The following KCNIP4 variants were observed in gnomAD, a reference collection of about 807,000 sequenced individuals.
KCNIP4 encodes Kv channel-interacting protein 4.
Under a neutral mutation model 34.0 loss-of-function variants are expected in KCNIP4, and 12 were observed. The ratio of observed to expected loss-of-function variants is 0.35; its 90% CI spans 0.23 to 0.57. The LOEUF (loss-of-function observed/expected upper bound fraction) is 0.57, where lower values mean the gene tolerates loss of function less well. Among genes scored for constraint, KCNIP4 ranks in the 20% least tolerant of loss-of-function variants. The probability of loss-of-function intolerance (pLI) is 0.83; values close to 1 mark genes in which losing one functional copy is unlikely to be tolerated. For synonymous variants in KCNIP4, 124 were observed against 102.2 expected (o/e 1.21, Z -1.29); for missense variants, 238 against 311.7 (o/e 0.76, Z 1.78).
At position 21,520,014 on chromosome 4, in the gene KCNIP4, C is replaced by T. The variant is rs186476210; in HGVS notation, c.61+428557G>A. On this transcript the variant is annotated intron_variant, in intron 1 of 8. Transcript: ENST00000382152. The stretch of plus-strand genomic sequence containing the variant: ...TCCCAAAACTGAAGAACTTGGAGTG[C>T]GATGTTTGAGGGAAGGAAGCATCCA... 9.2e-5 allele frequency among the ~76,000 whole-genome samples: 14 copies of T among 151,770 alleles called. No homozygotes were observed. The East Asian group carries it at 2.1e-3, about 23-fold the overall frequency.
At chr4:21,863,461 G>A (rs1725224036) in intron 1 of KCNIP4, among the ~76,000 whole-genome samples, 1 of 151,902 alleles carries the variant, frequency 6.6e-6, no homozygotes, top group Non-Finnish European at 1.5e-5. Flanking sequence ...TAAGGGGATG[G>A]CTTCATTAAC....
chr4:21,936,942 A>G (rs1729893002), intron 1 of KCNIP4, among the ~76,000 whole-genome samples: 1 of 151,768 alleles, frequency 6.6e-6, no homozygotes, highest in African/African-American at 2.4e-5. Flanking sequence ...TCCCACCCTT[A>G]TTCTTTACAG....
intron 1 of KCNIP4, among the ~76,000 whole-genome samples, chr4:20,972,384 A>T (rs1386081114): frequency 6.6e-6 from 1 of 150,440 alleles, no homozygotes; most frequent in Admixed American, 6.6e-5. Flanking sequence ...AGTCAAAATT[A>T]CTGCTTGATG....
At chr4:21,234,177 T>TATATAACGTATATTATATATAAG (rs1560198402) in intron 1 of KCNIP4, among the ~76,000 whole-genome samples, 2 of 102,134 alleles carry the variant, frequency 2.0e-5, no homozygotes, top group African/African-American at 1.0e-4. Flanking sequence ...ATATATAACA[T>TATATAACGTATATTATATATAAG]ATATAACGTA....
rs138226822 is a variant in KCNIP4 at position 20,855,878 on chromosome 4, T to G, written c.164-5211A>C. 2.0e-5 allele frequency among the ~76,000 whole-genome samples: 3 copies of G among 152,202 alleles called. No individual in the cohort carries two copies. In the East Asian group the frequency reaches 5.8e-4, roughly 29 times the overall value. ...ATGAGAAGGCTGACAAGGATAAAAT[T>G]GATGGGATAAAATTGAGCTGACAAG... On this transcript the variant is annotated intron_variant, in intron 2 of 8. Coordinates refer to ENST00000382152, the MANE Select transcript of KCNIP4 (RefSeq NM_025221.6).
At chr4:21,853,945 G>A (rs1256251187) in intron 1 of KCNIP4, among the ~76,000 whole-genome samples, 3 of 152,138 alleles carry the variant, frequency 2.0e-5, no homozygotes, top group African/African-American at 7.2e-5. Context: ...GCTGCTCTGT[G>A]CAAGGCCTTG....
chr4:21,554,026 A>T (rs1180184921), intron 1 of KCNIP4, among the ~76,000 whole-genome samples: 2 of 152,140 alleles, frequency 1.3e-5, no homozygotes, highest in Non-Finnish European at 2.9e-5. Flanking sequence ...GTAAATGGAC[A>T]TACATTATTA....
chr4:20,897,683 C>T (rs1726706475), intron 1 of KCNIP4, among the ~76,000 whole-genome samples: 1 of 152,064 alleles, frequency 6.6e-6, no homozygotes, highest in African/African-American at 2.4e-5. Context: ...GATGTCTAAG[C>T]CCAGAGGAAA....
chr4:21,657,046 G>A (rs1349196031), intron 1 of KCNIP4, among the ~76,000 whole-genome samples: 1 of 152,038 alleles, frequency 6.6e-6, no homozygotes, highest in Non-Finnish European at 1.5e-5. Context: ...CTTCATTCAG[G>A]AAGCCTTCCC....
chr4:21,929,078 T>C (rs1366484987), intron 1 of KCNIP4, among the ~76,000 whole-genome samples: 1 of 152,022 alleles, frequency 6.6e-6, no homozygotes, highest in African/African-American at 2.4e-5. Flanking sequence ...AAAAACATAA[T>C]GACAAGTGAA....
At chr4:21,221,187 C>T in intron 1 of KCNIP4, among the ~76,000 whole-genome samples, 1 of 152,234 alleles carries the variant, frequency 6.6e-6, no homozygotes, top group South Asian at 2.1e-4. Context: ...TGAATGAAAA[C>T]TCCTCCAGTT....
intron 1 of KCNIP4, chr4:21,697,759 C>A: frequency 1.1e-6 from 1 of 880,048 alleles, no homozygotes; most frequent in Non-Finnish European, 1.4e-6. Context: ...TCGGCATCCC[C>A]TCTCCAGAAG....
At chr4:21,409,565 A>C (rs1249167296) in intron 1 of KCNIP4, among the ~76,000 whole-genome samples, 1 of 152,254 alleles carries the variant, frequency 6.6e-6, no homozygotes, top group Non-Finnish European at 1.5e-5. Flanking sequence ...AAAAAATAAT[A>C]TGTTATTAGA....
At chr4:20,901,806 A>T (rs1577339334) in intron 1 of KCNIP4, among the ~76,000 whole-genome samples, 1 of 152,076 alleles carries the variant, frequency 6.6e-6, no homozygotes, top group Non-Finnish European at 1.5e-5. Context: ...GAGTACCCAG[A>T]GTGGTCACAC....
In KCNIP4 at chr4:21,942,971, C is replaced by A. The variant is rs181199957; in HGVS notation, c.61+5600G>T. ...AACGGGTTTCATCATGTTGGCCAGG[C>A]TGGTCTCAAACTCCTGACCTCAGGC... is the stretch of plus-strand genomic sequence containing the variant. On this transcript the variant is annotated intron_variant, in intron 1 of 8. Transcript: ENST00000382152. 4.6e-5 allele frequency among the ~76,000 whole-genome samples: 7 copies of A among 152,240 alleles called. No individual in the cohort carries two copies. In the East Asian group the frequency reaches 1.4e-3, roughly 30 times the overall value.
chr4:21,150,278 G>A, intron 1 of KCNIP4, among the ~76,000 whole-genome samples: 1 of 145,630 alleles, frequency 6.9e-6, no homozygotes, highest in African/African-American at 2.8e-5. Flanking sequence ...TAATGGGAGT[G>A]TTAATGAGGG....
At chr4:21,143,170 C>G (rs374673872) in intron 1 of KCNIP4, among the ~76,000 whole-genome samples, 2 of 152,136 alleles carry the variant, frequency 1.3e-5, no homozygotes, top group African/African-American at 4.8e-5. Context: ...TCAGTTGACC[C>G]TAAAATACAG....
chr4:21,792,188 G>GT (rs969444280), intron 1 of KCNIP4, among the ~76,000 whole-genome samples: 3 of 144,286 alleles, frequency 2.1e-5, no homozygotes, highest in Non-Finnish European at 1.5e-5. Flanking sequence ...CACATAAACC[G>GT]TATCTGTCTT....
At chr4:21,892,990 C>T (rs1022022945) in intron 1 of KCNIP4, among the ~76,000 whole-genome samples, 3 of 152,124 alleles carry the variant, frequency 2.0e-5, no homozygotes, top group South Asian at 4.1e-4. Flanking sequence ...TACCCCATTT[C>T]GGTTTTGTTT....
Sources: gnomAD v4.1 joint callset for allele counts (sites outside exome capture counted in the v4.1 genomes callset) on GRCh38, gnomAD v4.1.1 for gene constraint, MANE v1.5 for transcripts, NCBI Gene and HGNC (gene_info 2026-07-23, HGNC 2026-07-21) for gene names.